MND1: variants seen among roughly 807,000 people sequenced by gnomAD.
MND1 encodes meiotic nuclear divisions 1.
MND1 carries 28 observed loss-of-function variants against 35.1 expected under a neutral mutation model. That is an observed-to-expected ratio of 0.80 (90% confidence interval 0.59 to 1.09). The LOEUF (loss-of-function observed/expected upper bound fraction) is 1.09. MND1 is among the 50% of genes least tolerant of loss of function. The pLI is 0.00. For missense variants in MND1, 213 were observed against 239.6 expected, an observed-to-expected ratio of 0.89 and a Z score of 0.73; for synonymous variants, 69 against 70.5, an observed-to-expected ratio of 0.98 and a Z score of 0.11.
At position 153,397,201 on chromosome 4, in the gene MND1, A is replaced by C. The variant is rs370364917; in HGVS notation, c.352-18A>C. On this transcript the variant is annotated intron_variant, in intron 5 of 7. Transcript: ENST00000240488. Reference sequence around the variant, plus strand: ...ATTTTGTTTGTCTTAATTGAACATAAAACTATCTGGAATGCAGGAAGAGCG... The same window carrying C: ...ATTTTGTTTGTCTTAATTGAACATACAACTATCTGGAATGCAGGAAGAGCG... 581 of 1,586,322 alleles carry C rather than the reference A, an allele frequency of 3.7e-4. 5 individuals carry two copies. The South Asian group carries it at 6.0e-3, about 16-fold the overall frequency.
intron 4 of MND1, among the ~76,000 whole-genome samples, chr4:153,367,141 A>G (rs970398891): frequency 6.6e-6 from 1 of 152,144 alleles, no homozygotes; most frequent in South Asian, 2.1e-4. Flanking sequence ...AGCCTTGCTG[A>G]GATATAGTTT....
At chr4:153,367,919 T>G (rs1773696787) in intron 4 of MND1, among the ~76,000 whole-genome samples, 1 of 152,212 alleles carries the variant, frequency 6.6e-6, no homozygotes. Flanking sequence ...GGCTTCCATT[T>G]CTCTGATGAC....
Position 153,355,662 on chromosome 4 carries a change from A to T in MND1, c.78A>T (p.Val26=). 6.3e-7 allele frequency: 1 copy of T among 1,575,998 alleles called. No homozygotes were observed. ...TAAAACCCTTTAAACAGAAAGATGT[A>T]TTTCAATTAAAAGACTTGGAGAAGA... ...MMEIFSETKD[V]FQLKDLEKIA... The change falls in exon 3 of 8, where the codon GTA becomes GTT. Residue 26 remains valine (V), a synonymous_variant. Coordinates refer to ENST00000240488, the MANE Select transcript of MND1 (RefSeq NM_032117.4).
chr4:153,364,774 C>T (rs943040353), intron 4 of MND1, among the ~76,000 whole-genome samples: 1 of 152,146 alleles, frequency 6.6e-6, no homozygotes, highest in Non-Finnish European at 1.5e-5. Flanking sequence ...TGCAGTGGCA[C>T]AGTCATAGCT....
intron 6 of MND1, among the ~76,000 whole-genome samples, chr4:153,408,588 C>T (rs749623407): frequency 6.6e-6 from 1 of 151,774 alleles, no homozygotes; most frequent in African/African-American, 2.4e-5. Flanking sequence ...AAATTCTTAT[C>T]GTTAAATTTA....
intron 4 of MND1, among the ~76,000 whole-genome samples, chr4:153,360,685 T>C (rs935549013): frequency 2.5e-4 from 37 of 148,172 alleles, no homozygotes; most frequent in African/African-American, 7.4e-4. Context: ...AATAAATAAA[T>C]AAATACTATA....
intron 2 of MND1, among the ~76,000 whole-genome samples, chr4:153,352,358 T>G (rs537073848): frequency 6.6e-6 from 1 of 152,254 alleles, no homozygotes; most frequent in South Asian, 2.1e-4. Flanking sequence ...CCGTTGCACT[T>G]AGGAAGAACA....
chr4:153,387,469 C>T (rs753607172), intron 4 of MND1, among the ~76,000 whole-genome samples: 3 of 152,052 alleles, frequency 2.0e-5, no homozygotes, highest in South Asian at 2.1e-4. Flanking sequence ...TAAATTTTAA[C>T]GTAAACAAGG....
intron 4 of MND1, chr4:153,381,688 ATATATT>A (rs1390901561): frequency 1.2e-4 from 3 of 24,468 alleles, no homozygotes; most frequent in African/African-American, 4.7e-4. Context: ...ATATATATAT[ATATATT>A]TTTTTTTTTT....
intron 6 of MND1, among the ~76,000 whole-genome samples, chr4:153,407,963 C>T (rs896562167): frequency 2.6e-5 from 4 of 152,054 alleles, no homozygotes; most frequent in Admixed American, 6.6e-5. Flanking sequence ...AATGGTTGTA[C>T]AATTTTGTGA....
intron 6 of MND1, among the ~76,000 whole-genome samples, chr4:153,405,162 A>G (rs994980207): frequency 2.0e-5 from 3 of 152,240 alleles, no homozygotes; most frequent in African/African-American, 7.2e-5. Flanking sequence ...TGGAAATGCA[A>G]GAGATCCAGA....
chr4:153,355,727 A>G lies in MND1; in HGVS notation c.127+16A>G. The G allele has an allele frequency of 1.3e-6, 2 of 1,501,598 alleles. No homozygotes were observed. Among genetic ancestry groups the G allele is most frequent in the Non-Finnish European group, 1.8e-6 (2 of 1,084,612 alleles). The allele number at this position is 1,501,598 out of a possible 1,614,324, so 93.0% of individuals were successfully genotyped here. On this transcript the variant is annotated intron_variant, in intron 3 of 7. Coordinates refer to ENST00000240488, the MANE Select transcript of MND1 (RefSeq NM_032117.4). Reference sequence around the variant, plus strand: ...AAAGGCATTAGTAAGTACCAAAGTTATACTGGAATGTTTTGGGAAATATAC... The same window carrying G: ...AAAGGCATTAGTAAGTACCAAAGTTGTACTGGAATGTTTTGGGAAATATAC...
At chr4:153,382,699 A>G (rs1473991628) in intron 4 of MND1, among the ~76,000 whole-genome samples, 1 of 152,204 alleles carries the variant, frequency 6.6e-6, no homozygotes, top group Non-Finnish European at 1.5e-5. Context: ...TAAACTCTTA[A>G]CTGGTGTTTC....
intron 7 of MND1, among the ~76,000 whole-genome samples, chr4:153,410,926 G>A (rs1729664857): frequency 6.6e-6 from 1 of 152,180 alleles, no homozygotes; most frequent in Non-Finnish European, 1.5e-5. Context: ...AGGAGGCGGA[G>A]GTTGCAGTGA....
chr4:153,411,034 T>C (rs1370710395), intron 7 of MND1, among the ~76,000 whole-genome samples: 1 of 152,268 alleles, frequency 6.6e-6, no homozygotes, highest in Middle Eastern at 3.4e-3. Flanking sequence ...ATTGAGAATA[T>C]ATACTGTTCA....
At chr4:153,361,653 CACGG>C (rs1218536336) in intron 4 of MND1, 2 of 422,680 alleles carry the variant, frequency 4.7e-6, no homozygotes, top group South Asian at 3.4e-5. Context: ...TCCTGGCTAA[CACGG>C]TGAAACCCTG....
chr4:153,378,542 C>T (rs890455064), intron 4 of MND1, among the ~76,000 whole-genome samples: 1 of 152,190 alleles, frequency 6.6e-6, no homozygotes, highest in African/African-American at 2.4e-5. Context: ...CATTGTGAAT[C>T]TCATTCAACC....
chr4:153,390,911 G>GTATATA (rs1277620599), intron 4 of MND1, among the ~76,000 whole-genome samples: 57 of 133,954 alleles, frequency 4.3e-4, no homozygotes, highest in African/African-American at 1.8e-3. Flanking sequence ...GTGTGTGTGT[G>GTATATA]TGTGTATATG....
intron 6 of MND1, among the ~76,000 whole-genome samples, chr4:153,404,345 CT>C (rs70963176): frequency 0.23 from 30,112 of 129,640 alleles, 3,902 homozygotes; most frequent in African/African-American, 0.39. Flanking sequence ...CCACGCCCAG[CT>C]TTTTTTTTTT....
Sources: gnomAD v4.1 joint callset for allele counts (sites outside exome capture counted in the v4.1 genomes callset) on GRCh38, gnomAD v4.1.1 for gene constraint, MANE v1.5 for transcripts, NCBI Gene and HGNC (gene_info 2026-07-23, HGNC 2026-07-21) for gene names.